Variants in BLTP1 observed in about 807,000 individuals in gnomAD.
BLTP1 encodes fragile site-associated protein.
At chr4:122,258,520 T>A in the BLTP1 span, 1 of 337,914 alleles carries the variant, frequency 3.0e-6, no homozygotes, top group Non-Finnish European at 4.2e-6. Context: ...GAAAGTCTAA[T>A]AAAAGCCGTT....
chr4:122,188,254 A>G, the BLTP1 span: 43 of 638,630 alleles, frequency 6.7e-5, no homozygotes, highest in African/African-American at 7.7e-4. Context: ...GGATAAATGG[A>G]TATGCTATCC....
At chr4:122,293,613 C>CGCACAGAG in the BLTP1 span, among the ~76,000 whole-genome samples, 32 of 138,608 alleles carry the variant, frequency 2.3e-4, no homozygotes, top group African/African-American at 8.3e-4. Context: ...CACTCGGGCA[C>CGCACAGAG]GCACAGAGAC....
the BLTP1 span, chr4:122,187,787 C>A: frequency 1.5e-5 from 18 of 1,239,062 alleles, no homozygotes; most frequent in Non-Finnish European, 1.9e-5. Flanking sequence ...AAAGTGGAAT[C>A]ATTAAGCTGT....
At chr4:122,205,909 A>G in the BLTP1 span, 1 of 982,846 alleles carries the variant, frequency 1.0e-6, no homozygotes, top group South Asian at 4.7e-5. Flanking sequence ...TTATTGAAAG[A>G]CATTGCTGGG....
chr4:122,175,935 T>A, the BLTP1 span: 1 of 1,069,576 alleles, frequency 9.3e-7, no homozygotes, highest in Non-Finnish European at 1.5e-6. Context: ...ATTTTTTATG[T>A]GTTTAAAATG....
the BLTP1 span, chr4:122,328,435 G>A: frequency 1.5e-6 from 2 of 1,308,786 alleles, no homozygotes; most frequent in Non-Finnish European, 2.1e-6. Context: ...ATATAACTCA[G>A]CTTTTACAAA....
At chr4:122,307,389 A>G in the BLTP1 span, 4 of 811,696 alleles carry the variant, frequency 4.9e-6, no homozygotes, top group African/African-American at 7.4e-5. Flanking sequence ...CTCAACCTGC[A>G]TTTGCTTTTC....
At chr4:122,250,604 G>C in the BLTP1 span, 1 of 1,591,716 alleles carries the variant, frequency 6.3e-7, no homozygotes, top group South Asian at 1.1e-5. Flanking sequence ...AATAATAATG[G>C]TGCTTTAGAA....
At chr4:122,314,097 G>T in the BLTP1 span, 1 of 982,740 alleles carries the variant, frequency 1.0e-6, no homozygotes, top group African/African-American at 1.7e-5. Flanking sequence ...AGAATACTGG[G>T]ATCAGAGAAA....
chr4:122,314,096 G>T, the BLTP1 span: 1 of 982,374 alleles, frequency 1.0e-6, no homozygotes, highest in African/African-American at 1.8e-5. Context: ...GAGAATACTG[G>T]GATCAGAGAA....
chr4:122,227,918 T>TG, the BLTP1 span, among the ~76,000 whole-genome samples: 1 of 146,570 alleles, frequency 6.8e-6, no homozygotes, highest in East Asian at 2.0e-4. Context: ...GCATTAAAAT[T>TG]TTTTTTTTTT....
At chr4:122,163,724 T>C in the BLTP1 span, among the ~76,000 whole-genome samples, 2 of 152,218 alleles carry the variant, frequency 1.3e-5, no homozygotes, top group African/African-American at 4.8e-5. Context: ...ACAGAGAGGT[T>C]AGGTATTTTG....
chr4:122,338,643 G>A, the BLTP1 span, among the ~76,000 whole-genome samples: 2 of 151,922 alleles, frequency 1.3e-5, no homozygotes, highest in Non-Finnish European at 2.9e-5. Flanking sequence ...CATGTATACC[G>A]AAATCCACAC....
chr4:122,249,696 A>C, the BLTP1 span: 1 of 1,613,232 alleles, frequency 6.2e-7, no homozygotes, highest in Non-Finnish European at 8.5e-7. Context: ...AGCATTTTTT[A>C]TTGAATTCTG....
the BLTP1 span, chr4:122,221,142 T>C: frequency 1.0e-5 from 7 of 683,268 alleles, no homozygotes; most frequent in African/African-American, 1.9e-5. Context: ...AAATTATAAA[T>C]GGGAAGGTGA....
At chr4:122,344,545 G>A in the BLTP1 span, 467 of 1,603,532 alleles carry the variant, frequency 2.9e-4, 2 homozygotes, top group East Asian at 6.8e-3. Flanking sequence ...TGGATACTAC[G>A]TTAATAAATA....
the BLTP1 span, chr4:122,292,368 A>G: frequency 1.2e-6 from 1 of 854,766 alleles, no homozygotes; most frequent in Non-Finnish European, 1.4e-6. Flanking sequence ...AATTAGACAG[A>G]TGTGAATATT....
At chr4:122,258,028 C>G in the BLTP1 span, among the ~76,000 whole-genome samples, 4 of 152,240 alleles carry the variant, frequency 2.6e-5, no homozygotes, top group East Asian at 5.8e-4. Flanking sequence ...CCTGCTTGAT[C>G]CTGAATTTAT....
At chr4:122,257,715 A>G in the BLTP1 span, among the ~76,000 whole-genome samples, 1 of 152,226 alleles carries the variant, frequency 6.6e-6, no homozygotes, top group Non-Finnish European at 1.5e-5. Context: ...ACTTGTTAAT[A>G]TGGTACTTGT....
Sources: gnomAD v4.1 joint callset for allele counts (sites outside exome capture counted in the v4.1 genomes callset) on GRCh38, gnomAD v4.1.1 for gene constraint, MANE v1.5 for transcripts, NCBI Gene and HGNC (gene_info 2026-07-23, HGNC 2026-07-21) for gene names.